Variants in NALCN observed in about 807,000 individuals in gnomAD.
NALCN encodes the protein sodium leak channel, non-selective.
In NALCN, 111 loss-of-function variants were observed where a neutral mutation model predicts 225.3. The ratio of observed to expected loss-of-function variants is 0.49; its 90% CI spans 0.42 to 0.58. NALCN has a LOEUF of 0.58. NALCN is among the 20% of genes least tolerant of loss of function. The pLI is 0.00. For missense variants in NALCN, 1,378 were observed against 2,202.4 expected (o/e 0.63, Z 7.49); for synonymous variants, 764 against 769.0 (o/e 0.99, Z 0.11).
chr13:101,350,211 G>A (rs2045868898), intron 6 of NALCN, among the ~76,000 whole-genome samples: 1 of 152,090 alleles, frequency 6.6e-6, no homozygotes, highest in African/African-American at 2.4e-5. Flanking sequence ...AACATGGTCT[G>A]CAAGATACTG....
chr13:101,369,066 TA>T, intron 6 of NALCN: 2 of 318,454 alleles, frequency 6.3e-6, no homozygotes, highest in Non-Finnish European at 1.2e-5. Flanking sequence ...ATCAAAGCTA[TA>T]ACAGTTGTGA....
chr13:101,062,230 T>C (rs1415743076), intron 40 of NALCN, 112 bp from the exon 41 acceptor site: 1 of 1,272,972 alleles, frequency 7.9e-7, no homozygotes, highest in African/African-American at 1.5e-5. Context: ...TCTAGTGTTT[T>C]GACGCCACCC....
intron 37 of NALCN, among the ~76,000 whole-genome samples, chr13:101,071,097 C>T (rs1236154017): frequency 6.6e-6 from 1 of 152,200 alleles, no homozygotes; most frequent in East Asian, 1.9e-4. Context: ...TCAATTATCT[C>T]TGCCTGGTCC....
At chr13:101,117,181 G>A (rs1296850935) in intron 18 of NALCN, among the ~76,000 whole-genome samples, 4 of 152,142 alleles carry the variant, frequency 2.6e-5, no homozygotes, top group African/African-American at 7.2e-5. Context: ...ATACATGGGC[G>A]ACCAGAACTT....
intron 7 of NALCN, among the ~76,000 whole-genome samples, chr13:101,314,712 C>T (rs895080275): frequency 6.6e-6 from 1 of 152,086 alleles, no homozygotes; most frequent in African/African-American, 2.4e-5. Flanking sequence ...TTATACTGAA[C>T]AAAAAGAATT....
chr13:101,107,830 T>G (rs1193898990), intron 20 of NALCN, 41 bp from the exon 21 acceptor site: 2 of 1,538,600 alleles, frequency 1.3e-6, no homozygotes, highest in African/African-American at 1.4e-5. Flanking sequence ...AACAGGAGGG[T>G]TTTGAATGCA....
At chr13:101,111,612 G>A (rs1428198757) in intron 18 of NALCN, among the ~76,000 whole-genome samples, 4 of 152,196 alleles carry the variant, frequency 2.6e-5, no homozygotes, top group South Asian at 2.1e-4. Context: ...CCCATGTGTC[G>A]TGGGAGGGAC....
intron 15 of NALCN, among the ~76,000 whole-genome samples, chr13:101,145,612 T>C (rs2037308077): frequency 6.6e-6 from 1 of 152,238 alleles, no homozygotes. Flanking sequence ...TGAACTAAGA[T>C]ACTACAAAGG....
intron 13 of NALCN, among the ~76,000 whole-genome samples, chr13:101,225,157 C>A (rs1053092660): frequency 6.6e-6 from 1 of 152,130 alleles, no homozygotes; most frequent in Non-Finnish European, 1.5e-5. Flanking sequence ...TGGGTGTCTC[C>A]CTGGCCTCCT....
At chr13:101,229,620 T>C (rs754868396) in intron 12 of NALCN, 36 bp from the exon 13 acceptor site, 5 of 1,461,908 alleles carry the variant, frequency 3.4e-6, no homozygotes, top group Non-Finnish European at 4.6e-6. Flanking sequence ...TTTACACATA[T>C]GATCATTTAT....
intron 13 of NALCN, among the ~76,000 whole-genome samples, chr13:101,205,480 C>G (rs894841602): frequency 4.6e-5 from 7 of 151,984 alleles, no homozygotes; most frequent in African/African-American, 1.7e-4. Context: ...TTATATTTTA[C>G]CCCTGACAAT....
Position 101,196,066 on chromosome 13 carries a change from A to T in NALCN, c.1627-4012T>A, listed in dbSNP as rs538003196. Among the ~76,000 whole-genome samples the T allele has an allele frequency of 1.3e-4, 20 of 152,260 alleles. No homozygotes were observed. The East Asian group carries it at 3.9e-3, about 29-fold the overall frequency. ...ATTATACTTCCCCCTCCAAGACTCT[A>T]TTAGACAGTAAATGGTCAAGGTTAA... On this transcript the variant is annotated intron_variant, in intron 13 of 43. Transcript: ENST00000251127.
At chr13:101,091,530 AG>A (rs1315666671) in intron 28 of NALCN, among the ~76,000 whole-genome samples, 1 of 151,988 alleles carries the variant, frequency 6.6e-6, no homozygotes, top group African/African-American at 2.4e-5. Context: ...ATAGTGCAAA[AG>A]CCCCACTCAG....
chr13:101,386,911 G>A (rs1043701141), intron 3 of NALCN, among the ~76,000 whole-genome samples: 6 of 152,088 alleles, frequency 3.9e-5, no homozygotes, highest in African/African-American at 1.4e-4. Flanking sequence ...TTTTATGCAT[G>A]GAAAAGACTC....
At chr13:101,162,133 C>A (rs2038216413) in intron 15 of NALCN, among the ~76,000 whole-genome samples, 1 of 152,170 alleles carries the variant, frequency 6.6e-6, no homozygotes, top group South Asian at 2.1e-4. Context: ...TCACCCCTGA[C>A]CACCATTTGT....
chr13:101,168,918 A>C (rs546184754), intron 15 of NALCN, among the ~76,000 whole-genome samples: 1 of 152,202 alleles, frequency 6.6e-6, no homozygotes, highest in Admixed American at 6.5e-5. Flanking sequence ...CTTGGTCTTC[A>C]CTACCCTCCT....
chr13:101,333,060 G>C (rs1211223733), intron 7 of NALCN, among the ~76,000 whole-genome samples: 1 of 152,146 alleles, frequency 6.6e-6, no homozygotes, highest in African/African-American at 2.4e-5. Flanking sequence ...TATAGAGTAA[G>C]TGCAAAATAA....
rs74839900 is a variant in NALCN at position 101,148,248 on chromosome 13, G to T, written c.1840-3352C>A. On this transcript the variant is annotated intron_variant, in intron 15 of 43. Transcript: ENST00000251127. Reference sequence around the variant, plus strand: ...CAGCAGGGCCATGCTCTCTCTGAAGGCTCCAGGCGAGAGTCCTTCCTTGCC... The same window carrying T: ...CAGCAGGGCCATGCTCTCTCTGAAGTCTCCAGGCGAGAGTCCTTCCTTGCC... 3.6e-3 allele frequency among the ~76,000 whole-genome samples: 549 copies of T among 152,226 alleles called. 2 individuals are homozygous for T. The highest frequency in any genetic ancestry group is 0.013 in the African/African-American group (534 of 41,534).
At chr13:101,192,145 A>T in intron 13 of NALCN, 91 bp from the exon 14 acceptor site, 1 of 1,417,590 alleles carries the variant, frequency 7.1e-7, no homozygotes, top group Non-Finnish European at 9.4e-7. Flanking sequence ...CTTTGATCTC[A>T]ATATTATTGA....
Sources: gnomAD v4.1 joint callset for allele counts (sites outside exome capture counted in the v4.1 genomes callset) on GRCh38, gnomAD v4.1.1 for gene constraint, MANE v1.5 for transcripts, NCBI Gene and HGNC (gene_info 2026-07-23, HGNC 2026-07-21) for gene names.